Variants in KIF1C observed in about 807,000 individuals in gnomAD.
KIF1C encodes the protein kinesin-like protein KIF1C.
KIF1C carries 61 observed loss-of-function variants against 126.5 expected under a neutral mutation model. The ratio of observed to expected loss-of-function variants is 0.48; its 90% confidence interval spans 0.39 to 0.60. KIF1C has a LOEUF of 0.60. Ranked by LOEUF, KIF1C falls within the 20% of genes least tolerant of loss-of-function variation. The pLI, the probability that KIF1C is intolerant of heterozygous loss-of-function variation, is 0.00. For missense variants in KIF1C, 1,315 were observed against 1,489.2 expected (o/e 0.88, Z 1.93); for synonymous variants, 640 against 580.6 (o/e 1.10, Z -1.47).
In KIF1C at chr17:5,007,312, T is replaced by C. The variant is rs1974758845; in HGVS notation, c.1385T>C (p.Leu462Pro). ...AELNETWEEK[L>P]RKTEALRMER... ...CTGAACGAGACATGGGAGGAGAAGC[T>C]ACGCAAGACAGAAGCCCTGAGGATG... The change falls in exon 15 of 23, where the codon CTA (leucine) becomes CCA (proline). Residue 462 changes from leucine to proline, a missense_variant. Leu to Pro is a moderately conservative substitution (Grantham distance 98). Coordinates refer to ENST00000320785, the MANE Select transcript of KIF1C (RefSeq NM_006612.6). 6.2e-7 allele frequency: 1 copy of C among 1,612,946 alleles called. No individual in the cohort carries two copies. Among genetic ancestry groups the C allele is most frequent in the Non-Finnish European group, 8.5e-7 (1 of 1,179,592 alleles).
At position 5,024,076 on chromosome 17, in the gene KIF1C, C is replaced by A. The variant is rs775314942; in HGVS notation, c.3237C>A (p.Pro1079=). The part of the protein sequence containing the change: ...PAQRPPGPRY[P]PYTTPPRMRR... ...AGCGGCCCCCAGGGCCCCGCTACCC[C>A]CCATACACTACTCCCCCACGAATGA... Residue 1079 remains proline, a synonymous_variant, in exon 23 of 23, where the codon CCC becomes CCA. Coordinates refer to ENST00000320785, the MANE Select transcript of KIF1C (RefSeq NM_006612.6). 1 of 1,606,018 alleles carries A rather than the reference C, an allele frequency of 6.2e-7. No individual in the cohort carries two copies. Among genetic ancestry groups the A allele is most frequent in the Admixed American group, 1.7e-5 (1 of 59,072 alleles).
chr17:5,020,102 A>C lies in KIF1C; in HGVS notation c.1750+23A>C, dbSNP rs1435864216. ...CAGGTAGAAGATGTGTCGCAGATTGAGGGTTCTGGGGCGTGGCTGTGTGTA... is the reference window on the plus strand; with the variant it reads ...CAGGTAGAAGATGTGTCGCAGATTGCGGGTTCTGGGGCGTGGCTGTGTGTA... On this transcript the variant is annotated intron_variant, in intron 19 of 22. Transcript: ENST00000320785. This position sits in a 1 kb window ranked among gnomAD's most constrained non-coding sequence, Gnocchi z 5.8. 7.7e-6 allele frequency: 12 copies of C among 1,557,116 alleles called. No homozygotes were observed. In the Middle Eastern group the frequency reaches 6.7e-4, roughly 87 times the overall value.
chr17:5,006,094 C>A (rs1165034430), intron 13 of KIF1C, among the ~76,000 whole-genome samples: 3 of 150,098 alleles, frequency 2.0e-5, no homozygotes, highest in African/African-American at 7.3e-5. Context: ...GTAATCCCAG[C>A]TACTCGGGAG....
chr17:5,023,695 G>A lies in KIF1C; in HGVS notation c.2856G>A (p.Leu952=), dbSNP rs568584318. The change falls in exon 23 of 23, where the codon CTG becomes CTA. Residue 952 remains leucine (L), a synonymous_variant. Coordinates refer to ENST00000320785, the MANE Select transcript of KIF1C (RefSeq NM_006612.6). This position sits in a 1 kb window ranked among gnomAD's most constrained non-coding sequence, Gnocchi z 4.2. The part of the protein sequence containing the change: ...LKQEQLRLQG[L]QGSGGRGGGL... ...AGGAGCAGCTACGGCTGCAGGGACT[G>A]CAGGGCTCTGGGGGCCGGGGCGGGG... 10 of 1,591,590 alleles carry A rather than the reference G, an allele frequency of 6.3e-6. No homozygotes were observed. The highest frequency in any genetic ancestry group is 2.3e-5 in the South Asian group (2 of 88,478).
chr17:5,019,953 C>T (rs2143377846), intron 18 of KIF1C, 43 bp from the exon 19 acceptor site: 7 of 1,509,904 alleles, frequency 4.6e-6, no homozygotes, highest in Non-Finnish European at 6.3e-6. Flanking sequence ...ACCCACCTTC[C>T]TCCAGGGTCT....
rs1975125200 is a variant in KIF1C at position 5,022,901 on chromosome 17, G to A, written c.2628+192G>A. On this transcript the variant is annotated intron_variant, in intron 22 of 22. Transcript: ENST00000320785. This position sits in a 1 kb window ranked among gnomAD's most constrained non-coding sequence, Gnocchi z 4.9. ...AGGCTGCTAATTAAAATAGATTCCC[G>A]GGTTCCACCCCAGACCTACTGAATC... is the stretch of plus-strand genomic sequence containing the variant. Among the ~76,000 whole-genome samples, 2 of 152,188 alleles carry A rather than the reference G, an allele frequency of 1.3e-5. No homozygotes were observed. Among genetic ancestry groups the A allele is most frequent in the African/African-American group, 4.8e-5 (2 of 41,430 alleles).
chr17:5,013,167 TG>T (rs1974903693), intron 16 of KIF1C, among the ~76,000 whole-genome samples: 1 of 152,048 alleles, frequency 6.6e-6, no homozygotes, highest in African/African-American at 2.4e-5. Flanking sequence ...TGATGAAAGG[TG>T]GGGAGTACCA....
chr17:5,008,779 G>C (rs2143337388), intron 16 of KIF1C, among the ~76,000 whole-genome samples: 1 of 152,308 alleles, frequency 6.6e-6, no homozygotes, highest in East Asian at 1.9e-4. Context: ...GAGGGATCCA[G>C]ACTCTTCTGG....
Position 5,002,491 on chromosome 17 carries a change from C to A in KIF1C, c.457C>A (p.Arg153=), listed in dbSNP as rs764164742. 1.2e-6 allele frequency: 2 copies of A among 1,608,094 alleles called. No homozygotes were observed. The highest frequency in any genetic ancestry group is 1.7e-6 in the Non-Finnish European group (2 of 1,175,826). ...EVSYMEIYCE[R]VRDLLNPKSR... The stretch of plus-strand genomic sequence containing the variant: ...GAGCTATATGGAGATCTACTGTGAG[C>A]GGGTACGAGACCTCTTGAACCCCAA... Residue 153 remains arginine (R), a synonymous_variant, in exon 7 of 23, where the codon CGG becomes AGG. Coordinates refer to ENST00000320785, the MANE Select transcript of KIF1C (RefSeq NM_006612.6).
At chr17:5,010,971 T>C (rs1037095475) in intron 16 of KIF1C, among the ~76,000 whole-genome samples, 12 of 151,650 alleles carry the variant, frequency 7.9e-5, no homozygotes, top group Admixed American at 6.6e-5. Context: ...CCACCACTCC[T>C]GGCTAATTTT....
Position 5,022,352 on chromosome 17 carries a change from C to T in KIF1C, c.2271C>T (p.Tyr757=), listed in dbSNP as rs773702118. 11 of 1,592,506 alleles carry T rather than the reference C, an allele frequency of 6.9e-6. No homozygotes were observed. Among genetic ancestry groups the T allele is most frequent in the Admixed American group, 3.5e-5 (2 of 56,410 alleles). The part of the protein sequence containing the change: ...LKMQAVKEIC[Y]EVALADFRHG... Reference sequence around the variant, plus strand: ...TGCAGGCGGTGAAGGAGATCTGCTACGAGGTGGCCCTGGCTGACTTCCGCC... The same window carrying T: ...TGCAGGCGGTGAAGGAGATCTGCTATGAGGTGGCCCTGGCTGACTTCCGCC... The change falls in exon 22 of 23, where the codon TAC becomes TAT. Residue 757 remains tyrosine, a synonymous_variant. Transcript: ENST00000320785. This position sits in a 1 kb window ranked among gnomAD's most constrained non-coding sequence, Gnocchi z 4.9.
rs758785693 is a variant in KIF1C at position 5,022,191 on chromosome 17, G to A, written c.2110G>A (p.Val704Ile). 2 of 1,614,108 alleles carry A rather than the reference G, an allele frequency of 1.2e-6. No individual in the cohort carries two copies. Among genetic ancestry groups the A allele is most frequent in the Non-Finnish European group, 1.7e-6 (2 of 1,180,026 alleles). The change falls in exon 22 of 23, where the codon GTC becomes ATC. Residue 704 changes from valine (V) to isoleucine (I), a missense_variant. Val to Ile is a conservative substitution (Grantham distance 29). Coordinates refer to ENST00000320785, the MANE Select transcript of KIF1C (RefSeq NM_006612.6). This position sits in a 1 kb window ranked among gnomAD's most constrained non-coding sequence, Gnocchi z 4.9. ...GCGGGAGCAGCTGCCGCCCACCACG[G>A]TCCAGACCATTGTCAAACGCTGTGG... is the stretch of plus-strand genomic sequence containing the variant. ...SLREQLPPTT[V>I]QTIVKRCGLP... is the part of the protein sequence containing the mutation.
intron 5 of KIF1C, among the ~76,000 whole-genome samples, chr17:5,001,766 C>T (rs1488963031): frequency 2.0e-5 from 3 of 152,216 alleles, no homozygotes; most frequent in African/African-American, 4.8e-5. Context: ...ATTGGGATAA[C>T]GGAGTTAACC....
At chr17:5,005,382 A>G (rs1350788919) in intron 13 of KIF1C, among the ~76,000 whole-genome samples, 4 of 152,242 alleles carry the variant, frequency 2.6e-5, no homozygotes. Flanking sequence ...CCATAGCCTA[A>G]CAGATCTCAG....
At chr17:5,003,571 C>G (rs1974654903) in intron 8 of KIF1C, 41 bp from the exon 9 acceptor site, 1 of 1,458,878 alleles carries the variant, frequency 6.9e-7, no homozygotes, top group Middle Eastern at 1.8e-4. Flanking sequence ...GCCCCGTCCC[C>G]CACCCGCACC....
At position 5,013,819 on chromosome 17, in the gene KIF1C, T is replaced by A. The variant is rs556995723; in HGVS notation, c.1571+87T>A. 75 of 941,944 alleles carry A rather than the reference T, an allele frequency of 8.0e-5. No individual in the cohort carries two copies. In the East Asian group the frequency reaches 1.9e-3, roughly 23 times the overall value. 58.3% of individuals were successfully genotyped at this position (941,944 alleles called of 1,614,324 possible). A position where few individuals can be genotyped will look rare whatever the true frequency, so the allele number is the denominator to read the frequency against. On this transcript the variant is annotated intron_variant, in intron 17 of 22. Coordinates refer to ENST00000320785, the MANE Select transcript of KIF1C (RefSeq NM_006612.6). The stretch of plus-strand genomic sequence containing the variant: ...TGTCCACATTGGTGTCTCCCTTCCC[T>A]GGTGGTCCCTGGAGATACCTCAGAT...
rs549652400 is a variant in KIF1C at position 5,025,255 on chromosome 17, C to G, written c.*1104C>G. The G allele has an allele frequency of 1.3e-5, 2 of 152,364 alleles. No individual in the cohort carries two copies. Among genetic ancestry groups the G allele is most frequent in the Non-Finnish European group, 2.9e-5 (2 of 68,114 alleles). The allele number at this position is 152,364 out of a possible 1,614,324, so 9.4% of individuals were successfully genotyped here. On this transcript the variant is annotated 3_prime_UTR_variant, in exon 23 of 23. Coordinates refer to ENST00000320785, the MANE Select transcript of KIF1C (RefSeq NM_006612.6). ...GTCTGTTATGGACAAAGCACAGAAG[C>G]GGGGATGCGAGGGGAGGTAGAGGGA... is the stretch of plus-strand genomic sequence containing the variant.
chr17:5,020,645 A>C lies in KIF1C; in HGVS notation c.1904A>C (p.Gln635Pro). The change falls in exon 20 of 23, where the codon CAA becomes CCA. Residue 635 changes from glutamine to proline, a missense_variant. By Grantham distance (76) the Gln-to-Pro change is moderately conservative (BLOSUM62 -1). This residue lies in a region of KIF1C where 874 missense variants were observed against 1,053.2 expected (regional missense o/e 0.83). Coordinates refer to ENST00000320785, the MANE Select transcript of KIF1C (RefSeq NM_006612.6). This position sits in a 1 kb window ranked among gnomAD's most constrained non-coding sequence, Gnocchi z 5.8. ...GCCCAGAAGGAACTGCTGGAGCAGC[A>C]AGGCATCGACATAAAGCTGGAAATG... The part of the protein sequence containing the change: ...NFAQKELLEQ[Q>P]GIDIKLEMEK... The C allele has an allele frequency of 6.2e-7, 1 of 1,614,192 alleles. No homozygotes were observed. The highest frequency in any genetic ancestry group is 8.5e-7 in the Non-Finnish European group (1 of 1,180,004).
rs531969528 is a variant in KIF1C, at chr17:5,027,039, G to A, written c.*2888G>A. 1.3e-5 allele frequency: 2 copies of A among 152,280 alleles called. No individual in the cohort carries two copies. Among genetic ancestry groups the A allele is most frequent in the Non-Finnish European group, 2.9e-5 (2 of 68,026 alleles). The allele number at this position is 152,280 out of a possible 1,614,324, so 9.4% of individuals were successfully genotyped here. A position where few individuals can be genotyped will look rare whatever the true frequency, so the allele number is the denominator to read the frequency against. On this transcript the variant is annotated 3_prime_UTR_variant, in exon 23 of 23. Coordinates refer to ENST00000320785, the MANE Select transcript of KIF1C (RefSeq NM_006612.6). ...TGCTACCTGTGCCGGCATTCCATAT[G>A]CATTTGATTTAGTCTTTAAAGTACC...
Sources: gnomAD v4.1 joint callset for allele counts (sites outside exome capture counted in the v4.1 genomes callset) on GRCh38, gnomAD v4.1.1 for gene constraint, gnomAD v4.1.1 regional missense constraint, Gnocchi (gnomAD v3.1) non-coding constraint, MANE v1.5 for transcripts, NCBI Gene and HGNC (gene_info 2026-07-23, HGNC 2026-07-21) for gene names.